The following COL24A1 variants were observed in gnomAD, a reference collection of about 807,000 sequenced individuals.
COL24A1 encodes the protein collagen alpha-1(XXIV) chain.
A neutral mutation model predicts 253.9 loss-of-function variants in COL24A1; 224 were observed. The observed-to-expected ratio is 0.88, with a 90% confidence interval of 0.79 to 0.99. COL24A1 has a LOEUF of 0.99. Ranked by LOEUF, COL24A1 falls within the 50% of genes least tolerant of loss-of-function variation. The pLI is 0.00. For synonymous variants in COL24A1, 685 were observed against 673.7 expected (o/e 1.02, Z -0.26); for missense variants, 2,131 against 2,068.5 (o/e 1.03, Z -0.59).
rs11161747 is a variant in COL24A1, at chr1:86,126,154, G to C, written c.182C>G (p.Ala61Gly). Residue 61 changes from alanine (A) to glycine (G), a missense_variant, in exon 3 of 60, where the codon GCG becomes GGG. Physicochemically the swap from Ala to Gly is moderately conservative, Grantham distance 60 (BLOSUM62 0). Transcript: ENST00000370571. ...GGKDVRHSSPATAVPSASTPL... is the reference protein window; with the variant it reads ...GGKDVRHSSPGTAVPSASTPL... ...TGTAGATGCTGATGGTACAGCAGTC[G>C]CTGGTGATGAGTGTCTTACGTCTTT... The C allele has an allele frequency of 6.2e-7, 1 of 1,607,844 alleles. No individual in the cohort carries two copies. The highest frequency in any genetic ancestry group is 1.3e-5 in the African/African-American group (1 of 74,580).
At chr1:85,777,385 G>A (rs958628362) in intron 52 of COL24A1, among the ~76,000 whole-genome samples, 2 of 151,932 alleles carry the variant, frequency 1.3e-5, no homozygotes, top group Non-Finnish European at 2.9e-5. Context: ...ATTTATGTAT[G>A]TATGAGAAAT....
chr1:85,823,857 G>C (rs1262620532), intron 43 of COL24A1, 119 bp from the exon 44 acceptor site: 1 of 845,116 alleles, frequency 1.2e-6, no homozygotes, highest in Admixed American at 2.4e-5. Flanking sequence ...ATGTCGTAGA[G>C]ATTATGATTC....
chr1:85,865,939 C>T (rs1169604189), intron 37 of COL24A1, among the ~76,000 whole-genome samples: 1 of 152,100 alleles, frequency 6.6e-6, no homozygotes, highest in East Asian at 1.9e-4. Context: ...CTGGTTAACC[C>T]ATGGGTAAGC....
At chr1:85,810,591 G>A (rs1417060144) in intron 47 of COL24A1, among the ~76,000 whole-genome samples, 1 of 152,090 alleles carries the variant, frequency 6.6e-6, no homozygotes, top group Non-Finnish European at 1.5e-5. Flanking sequence ...GGGGCTGGGG[G>A]AGTTGTTTGG....
intron 24 of COL24A1, among the ~76,000 whole-genome samples, chr1:85,954,781 T>C (rs1690263370): frequency 6.6e-6 from 1 of 152,100 alleles, no homozygotes; most frequent in Non-Finnish European, 1.5e-5. Flanking sequence ...TAGATACGAG[T>C]AGCCTAAAAA....
intron 25 of COL24A1, among the ~76,000 whole-genome samples, chr1:85,910,208 G>GT (rs1250250660): frequency 6.6e-6 from 1 of 151,752 alleles, no homozygotes; most frequent in Non-Finnish European, 1.5e-5. Context: ...ATCTTAAGAT[G>GT]TTTTTTGGAG....
At chr1:85,918,134 T>TG (rs1686082541) in intron 24 of COL24A1, among the ~76,000 whole-genome samples, 1 of 151,926 alleles carries the variant, frequency 6.6e-6, no homozygotes, top group African/African-American at 2.4e-5. Context: ...TTTTTGTTTT[T>TG]TTTTTTGGCC....
intron 18 of COL24A1, among the ~76,000 whole-genome samples, chr1:86,020,054 A>ATTCT (rs1179320198): frequency 7.9e-6 from 1 of 125,860 alleles, no homozygotes; most frequent in African/African-American, 3.1e-5. Context: ...TTCTTTTTTC[A>ATTCT]TTCTTTCTTT....
chr1:85,933,106 G>GAAAA (rs71078630), intron 24 of COL24A1, among the ~76,000 whole-genome samples: 1 of 60,942 alleles, frequency 1.6e-5, no homozygotes, highest in African/African-American at 5.7e-5. Flanking sequence ...AAAAAAGAAA[G>GAAAA]AAAGAAAAAA....
intron 2 of COL24A1, among the ~76,000 whole-genome samples, chr1:86,131,359 T>C (rs1649148608): frequency 6.6e-6 from 1 of 151,748 alleles, no homozygotes; most frequent in South Asian, 2.1e-4. Context: ...TTCATAGTTT[T>C]GGTTTTCTTT....
intron 22 of COL24A1, among the ~76,000 whole-genome samples, chr1:85,968,113 T>C (rs1056470019): frequency 6.6e-6 from 1 of 152,166 alleles, no homozygotes; most frequent in Non-Finnish European, 1.5e-5. Flanking sequence ...CCAAATTCTT[T>C]AGTTTTGGGA....
intron 5 of COL24A1, among the ~76,000 whole-genome samples, chr1:86,103,234 T>G (rs1468110484): frequency 6.6e-6 from 1 of 152,194 alleles, no homozygotes; most frequent in Non-Finnish European, 1.5e-5. Context: ...ATTTGCTTGA[T>G]AGATTTTTCT....
intron 24 of COL24A1, among the ~76,000 whole-genome samples, chr1:85,946,426 C>T (rs1251984774): frequency 1.3e-5 from 2 of 152,068 alleles, no homozygotes; most frequent in Non-Finnish European, 2.9e-5. Flanking sequence ...TCTTACTAGT[C>T]AATAATTGAA....
At chr1:86,063,357 C>CTG (rs201355392) in intron 8 of COL24A1, among the ~76,000 whole-genome samples, 7 of 139,016 alleles carry the variant, frequency 5.0e-5, no homozygotes, top group East Asian at 2.0e-4. Flanking sequence ...AAGTCTCTCT[C>CTG]TCTGTGTGTG....
chr1:85,913,605 A>C (rs1685583542), intron 24 of COL24A1, among the ~76,000 whole-genome samples: 1 of 152,164 alleles, frequency 6.6e-6, no homozygotes, highest in African/African-American at 2.4e-5. Context: ...TGGGCTTCTT[A>C]TGCCCCTGAA....
rs375389734 is a variant in COL24A1 at position 85,980,060 on chromosome 1, A to G, written c.2364+7541T>C. Among the ~76,000 whole-genome samples, 3 of 152,246 alleles carry G rather than the reference A, an allele frequency of 2.0e-5. No individual in the cohort carries two copies. In the East Asian group the frequency reaches 5.8e-4, roughly 29 times the overall value. On this transcript the variant is annotated intron_variant, in intron 20 of 59. Coordinates refer to ENST00000370571, the MANE Select transcript of COL24A1 (RefSeq NM_152890.7). ...TGCAAGTCAATAAATGTGATACATC[A>G]CATAAACATCATTAAAAACAAAAAT...
intron 14 of COL24A1, among the ~76,000 whole-genome samples, chr1:86,026,788 G>A (rs1385274477): frequency 6.6e-6 from 1 of 152,178 alleles, no homozygotes; most frequent in Non-Finnish European, 1.5e-5. Flanking sequence ...CAGTGTGGAG[G>A]GCTCAGAAGA....
intron 32 of COL24A1, among the ~76,000 whole-genome samples, chr1:85,879,250 T>C (rs1160075871): frequency 2.4e-5 from 2 of 83,068 alleles, no homozygotes; most frequent in African/African-American, 1.4e-4. Flanking sequence ...TTTGAGGGTG[T>C]GTGTGTGTGT....
At chr1:85,876,966 A>G (rs1436197080) in intron 33 of COL24A1, among the ~76,000 whole-genome samples, 156 bp downstream of exon 33, 2 of 152,198 alleles carry the variant, frequency 1.3e-5, no homozygotes, top group Admixed American at 6.5e-5. Flanking sequence ...ACATATAATA[A>G]TCATCTCTGC....
Sources: allele counts gnomAD v4.1 joint callset (sites outside exome capture counted in the v4.1 genomes callset), GRCh38; gene constraint gnomAD v4.1.1; transcripts MANE v1.5; gene names NCBI Gene and HGNC (gene_info 2026-07-23, HGNC 2026-07-21).